The following PHKB variants were observed in gnomAD, a reference collection of about 807,000 sequenced individuals.
PHKB encodes the protein phosphorylase kinase regulatory subunit beta, also known as phosphorylase b kinase regulatory subunit beta.
In PHKB, 122 loss-of-function variants were observed where a neutral mutation model predicts 152.1. The ratio of observed to expected loss-of-function variants is 0.80; its 90% confidence interval spans 0.69 to 0.93. PHKB has a LOEUF of 0.93. Ranked by LOEUF, PHKB falls within the 40% of genes least tolerant of loss-of-function variation. The pLI, the probability that PHKB is intolerant of heterozygous loss-of-function variation, is 0.00. For missense variants in PHKB, 1,304 were observed against 1,328.4 expected, an observed-to-expected ratio of 0.98 and a Z score of 0.29; for synonymous variants, 436 against 464.9, an observed-to-expected ratio of 0.94 and a Z score of 0.80.
At chr16:47,468,103 C>T (rs1480937908) in intron 1 of PHKB, among the ~76,000 whole-genome samples, 1 of 152,138 alleles carries the variant, frequency 6.6e-6, no homozygotes, top group African/African-American at 2.4e-5. Flanking sequence ...CCTTTTTATT[C>T]AGTTAATCTG....
chr16:47,619,553 C>T (rs2151714160), intron 14 of PHKB: 1 of 152,258 alleles, frequency 6.6e-6, no homozygotes, highest in Non-Finnish European at 1.5e-5. Flanking sequence ...TTTCTTCTTC[C>T]TTATCCAAAG....
intron 20 of PHKB, among the ~76,000 whole-genome samples, chr16:47,659,846 G>A (rs537521012): frequency 6.6e-6 from 1 of 152,078 alleles, no homozygotes; most frequent in Non-Finnish European, 1.5e-5. Context: ...TTCCTAATTT[G>A]GATATTTTAT....
Position 47,534,461 on chromosome 16 carries a change from G to A in PHKB, c.595-12972G>A, listed in dbSNP as rs187491782. ...AGAGACATACTAAAATTTCATTGCA[G>A]CACTGTTGCATTAAAAAACTGTTAT... is the stretch of plus-strand genomic sequence containing the variant. On this transcript the variant is annotated intron_variant, in intron 6 of 30. Coordinates refer to ENST00000323584, the MANE Select transcript of PHKB (RefSeq NM_000293.3). Among the ~76,000 whole-genome samples the A allele has an allele frequency of 1.4e-4, 22 of 152,240 alleles. No homozygotes were observed. The East Asian group carries it at 3.9e-3, about 27-fold the overall frequency.
chr16:47,588,866 C>CT (rs1377270122), intron 9 of PHKB, 39 bp from the exon 10 acceptor site: 13 of 1,534,810 alleles, frequency 8.5e-6, no homozygotes, highest in African/African-American at 1.4e-5. Context: ...GATCACATCG[C>CT]TGTGGACACT....
intron 3 of PHKB, 95 bp downstream of exon 3, chr16:47,499,989 G>C (rs1288873785): frequency 7.2e-7 from 1 of 1,393,270 alleles, no homozygotes; most frequent in African/African-American, 1.4e-5. Flanking sequence ...TGGCTCTGCT[G>C]CTGACTCACT....
chr16:47,642,571 T>G (rs912807871), intron 16 of PHKB, among the ~76,000 whole-genome samples: 11 of 152,200 alleles, frequency 7.2e-5, no homozygotes, highest in Non-Finnish European at 1.5e-4. Context: ...TGGACATGAT[T>G]AAGTTTATTA....
At chr16:47,670,311 A>G (rs1973616282) in intron 26 of PHKB, among the ~76,000 whole-genome samples, 1 of 152,212 alleles carries the variant, frequency 6.6e-6, no homozygotes, top group Non-Finnish European at 1.5e-5. Flanking sequence ...GTGCAAACAT[A>G]CATGTATGTG....
At chr16:47,489,542 A>G (rs796227158) in intron 1 of PHKB, among the ~76,000 whole-genome samples, 1 of 152,206 alleles carries the variant, frequency 6.6e-6, no homozygotes, top group Non-Finnish European at 1.5e-5. Flanking sequence ...AAGGAATCTC[A>G]GATAAGACCT....
chr16:47,642,748 G>T (rs1973047199), intron 16 of PHKB, among the ~76,000 whole-genome samples: 1 of 152,088 alleles, frequency 6.6e-6, no homozygotes, highest in Non-Finnish European at 1.5e-5. Flanking sequence ...GTCACCAAGA[G>T]CACCAGCTCT....
In PHKB at chr16:47,530,588, A is replaced by G. The variant is rs147023643; in HGVS notation, c.594+14987A>G. Among the ~76,000 whole-genome samples, 89 of 152,344 alleles carry G rather than the reference A, an allele frequency of 5.8e-4. 1 individual carries two copies. The highest frequency in any genetic ancestry group is 1.9e-3 in the African/African-American group (80 of 41,584). ...TAAAATGAATTTCTAGTAAATTGAA[A>G]TGAATTCTTAGATAAACTACTAAAA... On this transcript the variant is annotated intron_variant, in intron 6 of 30. Transcript: ENST00000323584.
At chr16:47,508,411 AG>A (rs1298379406) in intron 4 of PHKB, among the ~76,000 whole-genome samples, 2 of 152,184 alleles carry the variant, frequency 1.3e-5, no homozygotes, top group Non-Finnish European at 2.9e-5. Flanking sequence ...GCTTTATAAT[AG>A]GCTATAAATG....
rs1177807410 is a variant in PHKB at position 47,669,292 on chromosome 16, C to T, written c.2505C>T (p.Ile835=). The part of the protein sequence containing the change: ...PLSPRVIQNI[I]YYKCNTHDER... ...CTCCAAGAGTGATTCAAAACATCAT[C>T]TATTATAAGTGTAACACCCATGATG... Residue 835 remains isoleucine (I), a synonymous_variant, in exon 26 of 31, where the codon ATC becomes ATT. Transcript: ENST00000323584. The T allele has an allele frequency of 1.2e-6, 2 of 1,613,832 alleles. No individual in the cohort carries two copies. Among genetic ancestry groups the T allele is most frequent in the Non-Finnish European group, 1.7e-6 (2 of 1,179,860 alleles).
At chr16:47,585,634 A>C (rs186196667) in intron 8 of PHKB, among the ~76,000 whole-genome samples, 1 of 152,342 alleles carries the variant, frequency 6.6e-6, no homozygotes, top group African/African-American at 2.4e-5. Flanking sequence ...CAGCCAAACA[A>C]TATAGTTAAT....
intron 26 of PHKB, among the ~76,000 whole-genome samples, chr16:47,674,133 C>CAGTTGCCGTG (rs1973684547): frequency 6.6e-6 from 1 of 151,576 alleles, no homozygotes; most frequent in Non-Finnish European, 1.5e-5. Flanking sequence ...CATGTAGTAA[C>CAGTTGCCGTG]TATGATGTGC....
chr16:47,543,296 G>C (rs1365458575), intron 6 of PHKB, among the ~76,000 whole-genome samples: 1 of 152,110 alleles, frequency 6.6e-6, no homozygotes, highest in East Asian at 1.9e-4. Context: ...TTATGTGATG[G>C]ATACGTTTAA....
At chr16:47,624,075 A>C (rs1381243802) in intron 14 of PHKB, among the ~76,000 whole-genome samples, 2 of 152,220 alleles carry the variant, frequency 1.3e-5, no homozygotes, top group Admixed American at 6.5e-5. Flanking sequence ...TTTCATGAAT[A>C]ATTTTCATAA....
intron 7 of PHKB, among the ~76,000 whole-genome samples, chr16:47,571,976 G>C (rs1311281625): frequency 6.6e-6 from 1 of 152,132 alleles, no homozygotes; most frequent in African/African-American, 2.4e-5. Context: ...CTGCTTATCT[G>C]GGTTTAGCCA....
At chr16:47,574,923 T>G (rs2151689865) in intron 7 of PHKB, among the ~76,000 whole-genome samples, 1 of 152,368 alleles carries the variant, frequency 6.6e-6, no homozygotes, top group South Asian at 2.1e-4. Flanking sequence ...TTTTATTTCC[T>G]TTTCTTGCCC....
intron 8 of PHKB, among the ~76,000 whole-genome samples, chr16:47,587,108 C>T (rs990658548): frequency 1.3e-5 from 2 of 152,098 alleles, no homozygotes; most frequent in South Asian, 4.1e-4. Flanking sequence ...TATCTACATA[C>T]GGATGTTAAA....
Sources: gnomAD v4.1 joint callset for allele counts (sites outside exome capture counted in the v4.1 genomes callset) on GRCh38, gnomAD v4.1.1 for gene constraint, MANE v1.5 for transcripts, NCBI Gene and HGNC (gene_info 2026-07-23, HGNC 2026-07-21) for gene names.